Variants in PLXDC2 observed in about 807,000 individuals in gnomAD.
PLXDC2 encodes the protein plexin domain containing 2, also known as plexin domain-containing protein 2.
Under a neutral mutation model 68.9 loss-of-function variants are expected in PLXDC2, and 40 were observed. The ratio of observed to expected loss-of-function variants is 0.58; its 90% CI spans 0.45 to 0.76. PLXDC2 has a LOEUF of 0.76. Among genes scored for constraint, PLXDC2 ranks in the 30% least tolerant of loss-of-function variants. PLXDC2 has a pLI of 0.00. For missense variants in PLXDC2, 644 were observed against 661.9 expected, an observed-to-expected ratio of 0.97 and a Z score of 0.30; for synonymous variants, 243 against 234.2, an observed-to-expected ratio of 1.04 and a Z score of -0.34.
chr10:20,172,480 C>T (rs943554103), intron 7 of PLXDC2, among the ~76,000 whole-genome samples: 1 of 152,086 alleles, frequency 6.6e-6, no homozygotes, highest in Non-Finnish European at 1.5e-5. Context: ...TCTCTTTATT[C>T]CTTAATTGTT....
At chr10:20,243,327 G>A (rs1369107536) in intron 12 of PLXDC2, among the ~76,000 whole-genome samples, 2 of 152,068 alleles carry the variant, frequency 1.3e-5, no homozygotes, top group South Asian at 2.1e-4. Flanking sequence ...AGGGTTGTTG[G>A]TTTGGTACTT....
intron 2 of PLXDC2, among the ~76,000 whole-genome samples, chr10:20,003,258 T>G (rs1292689633): frequency 1.3e-5 from 2 of 152,110 alleles, no homozygotes; most frequent in Non-Finnish European, 2.9e-5. Context: ...CAGAGGTGAT[T>G]TATCCAGTTT....
At chr10:20,188,740 A>G (rs1564346749) in intron 9 of PLXDC2, among the ~76,000 whole-genome samples, 1 of 151,806 alleles carries the variant, frequency 6.6e-6, no homozygotes, top group African/African-American at 2.4e-5. Context: ...CTGATAAAAG[A>G]AAGTAAGAAG....
intron 2 of PLXDC2, among the ~76,000 whole-genome samples, chr10:20,023,777 T>TA (rs11436202): frequency 0.84 from 127,213 of 151,934 alleles, 53,597 homozygotes; most frequent in African/African-American, 0.9. Flanking sequence ...AATGTTTTAT[T>TA]AAAAAAACCC....
At chr10:19,940,019 G>A (rs1458283114) in intron 1 of PLXDC2, among the ~76,000 whole-genome samples, 1 of 151,800 alleles carries the variant, frequency 6.6e-6, no homozygotes, top group Non-Finnish European at 1.5e-5. Flanking sequence ...GGATGTTTAA[G>A]CTGGTTGCTT....
intron 6 of PLXDC2, among the ~76,000 whole-genome samples, chr10:20,151,337 A>G (rs189129977): frequency 1.3e-5 from 2 of 152,310 alleles, no homozygotes; most frequent in East Asian, 3.9e-4. Flanking sequence ...TAATTCCTCA[A>G]TAGTTTCCTA....
chr10:20,284,330 T>TATATATATATATATATAC lies in PLXDC2; in HGVS notation c.*4512_*4513insTATATATATATATATACA, dbSNP rs1484131963. The stretch of plus-strand genomic sequence containing the variant: ...AAATATACATATATATATATATATA[T>TATATATATATATATATAC]ACACACACACACACACACACACAAA... On this transcript the variant is annotated 3_prime_UTR_variant, in exon 14 of 14. Transcript: ENST00000377252. 445 of 126,260 alleles carry TATATATATATATATATAC rather than the reference T, an allele frequency of 3.5e-3. 1 individual carries two copies. The highest frequency in any genetic ancestry group is 8.1e-3 in the African/African-American group (277 of 34,302). The allele number at this position is 126,260 out of a possible 1,614,324, so 7.8% of individuals were successfully genotyped here.
chr10:19,967,052 T>C (rs576128701), intron 1 of PLXDC2, among the ~76,000 whole-genome samples: 2 of 152,316 alleles, frequency 1.3e-5, no homozygotes, highest in South Asian at 4.1e-4. Context: ...ATGGCACAGA[T>C]TTTATACTCA....
intron 3 of PLXDC2, 138 bp from the exon 4 acceptor site, chr10:20,068,032 A>G: frequency 3.1e-6 from 2 of 647,102 alleles, no homozygotes; most frequent in Non-Finnish European, 5.2e-6. Context: ...ACGACCGAGG[A>G]CTCAGGTTTT....
At chr10:20,157,127 A>G (rs1226813925) in intron 6 of PLXDC2, among the ~76,000 whole-genome samples, 1 of 152,216 alleles carries the variant, frequency 6.6e-6, no homozygotes, top group Non-Finnish European at 1.5e-5. Flanking sequence ...TGCTGATAAC[A>G]CTGAAGCCAG....
chr10:19,933,464 T>C (rs1338516033), intron 1 of PLXDC2, among the ~76,000 whole-genome samples: 1 of 151,832 alleles, frequency 6.6e-6, no homozygotes, highest in Non-Finnish European at 1.5e-5. Context: ...TGAAACCCCA[T>C]CTCTCGTAAA....
intron 1 of PLXDC2, among the ~76,000 whole-genome samples, chr10:19,891,296 C>T (rs11011661): frequency 0.063 from 9,607 of 152,254 alleles, 389 homozygotes; most frequent in South Asian, 0.14. Flanking sequence ...TGGGTAAAAG[C>T]ACACGATTTC....
At chr10:20,227,867 T>TA (rs1157669739) in intron 12 of PLXDC2, among the ~76,000 whole-genome samples, 3 of 151,662 alleles carry the variant, frequency 2.0e-5, no homozygotes, top group Non-Finnish European at 4.4e-5. Context: ...GGTCAGAGGC[T>TA]AAAAAAAAGT....
At chr10:19,887,507 G>T (rs968389540) in intron 1 of PLXDC2, among the ~76,000 whole-genome samples, 1 of 152,126 alleles carries the variant, frequency 6.6e-6, no homozygotes, top group Non-Finnish European at 1.5e-5. Context: ...GGGCGACAGA[G>T]TGAGACTTTA....
chr10:20,052,702 T>C (rs1160556381), intron 3 of PLXDC2, among the ~76,000 whole-genome samples: 2 of 120,338 alleles, frequency 1.7e-5, no homozygotes, highest in Non-Finnish European at 3.3e-5. Context: ...CAAGAATATA[T>C]ATTCCGTCAA....
At chr10:20,231,057 G>A (rs986348414) in intron 12 of PLXDC2, among the ~76,000 whole-genome samples, 2 of 151,168 alleles carry the variant, frequency 1.3e-5, no homozygotes, top group South Asian at 2.1e-4. Flanking sequence ...AGTATATGAG[G>A]TGAATAGATA....
intron 1 of PLXDC2, among the ~76,000 whole-genome samples, chr10:19,922,124 G>A: frequency 6.6e-6 from 1 of 152,192 alleles, no homozygotes; most frequent in South Asian, 2.1e-4. Context: ...CTCCCAAAGT[G>A]CTGGGATTAC....
intron 12 of PLXDC2, among the ~76,000 whole-genome samples, chr10:20,234,019 A>C (rs1023344445): frequency 6.7e-6 from 1 of 149,476 alleles, no homozygotes; most frequent in Non-Finnish European, 1.5e-5. Flanking sequence ...TAGAGATGCT[A>C]TCTCACTATG....
chr10:19,878,140 T>A (rs574275073), intron 1 of PLXDC2, among the ~76,000 whole-genome samples: 1 of 152,234 alleles, frequency 6.6e-6, no homozygotes, highest in East Asian at 1.9e-4. Flanking sequence ...CTATAACATA[T>A]GTGGAATATA....
Sources: allele counts gnomAD v4.1 joint callset (sites outside exome capture counted in the v4.1 genomes callset), GRCh38; gene constraint gnomAD v4.1.1; transcripts MANE v1.5; gene names NCBI Gene and HGNC (gene_info 2026-07-23, HGNC 2026-07-21).